The following GXYLT2 variants were observed in gnomAD, a reference collection of about 807,000 sequenced individuals.
GXYLT2 encodes glucoside xylosyltransferase 2, also known as glycosyltransferase 8 domain containing 4.
A neutral mutation model predicts 45.8 loss-of-function variants in GXYLT2; 53 were observed. That is an observed-to-expected ratio of 1.16 (90% CI 0.93 to 1.46). The LOEUF (loss-of-function observed/expected upper bound fraction) is 1.46, where lower values mean the gene tolerates loss of function less well. Among genes scored for constraint, GXYLT2 ranks in the 40% most tolerant of loss-of-function variants. The probability of loss-of-function intolerance (pLI) is 0.00; values close to 1 mark genes in which losing one functional copy is unlikely to be tolerated. For synonymous variants in GXYLT2, 219 were observed against 214.2 expected (o/e 1.02, Z -0.19); for missense variants, 551 against 544.4 (o/e 1.01, Z -0.12).
intron 5 of GXYLT2, among the ~76,000 whole-genome samples, chr3:72,963,642 A>G (rs1710809257): frequency 6.7e-6 from 1 of 150,074 alleles, no homozygotes; most frequent in East Asian, 2.0e-4. Context: ...AGCTGGGATT[A>G]CAGGTGTGTA....
At chr3:72,957,936 A>C (rs953926292) in intron 5 of GXYLT2, among the ~76,000 whole-genome samples, 1 of 152,114 alleles carries the variant, frequency 6.6e-6, no homozygotes, top group African/African-American at 2.4e-5. Context: ...AAGCTAATAA[A>C]ATTCTTTTTT....
At chr3:72,950,923 A>G (rs1710511383) in intron 3 of GXYLT2, among the ~76,000 whole-genome samples, 1 of 152,154 alleles carries the variant, frequency 6.6e-6, no homozygotes, top group Non-Finnish European at 1.5e-5. Context: ...CAGGAGCAGG[A>G]AGATCCATTA....
At chr3:72,932,957 A>G (rs1266341603) in intron 3 of GXYLT2, among the ~76,000 whole-genome samples, 2 of 152,230 alleles carry the variant, frequency 1.3e-5, no homozygotes, top group African/African-American at 2.4e-5. Flanking sequence ...AGAAGAAATA[A>G]TTTCAACTTT....
At chr3:72,927,508 G>A (rs1709941288) in intron 3 of GXYLT2, among the ~76,000 whole-genome samples, 1 of 152,156 alleles carries the variant, frequency 6.6e-6, no homozygotes, top group South Asian at 2.1e-4. Context: ...ATGGAAAAAG[G>A]AAGCTTATCA....
At chr3:72,960,255 T>C (rs886793134) in intron 5 of GXYLT2, among the ~76,000 whole-genome samples, 2 of 152,210 alleles carry the variant, frequency 1.3e-5, no homozygotes, top group African/African-American at 4.8e-5. Flanking sequence ...CTCTTTGTCA[T>C]GTGGCCAAAA....
At chr3:72,949,607 G>A (rs1487053067) in intron 3 of GXYLT2, among the ~76,000 whole-genome samples, 1 of 133,324 alleles carries the variant, frequency 7.5e-6, no homozygotes, top group African/African-American at 2.8e-5. Flanking sequence ...CGCCTCCCGG[G>A]TTCAGGCGAT....
intron 3 of GXYLT2, among the ~76,000 whole-genome samples, chr3:72,943,877 C>G (rs913560449): frequency 1.4e-5 from 2 of 146,332 alleles, no homozygotes; most frequent in East Asian, 2.1e-4. Flanking sequence ...AGAGGTGGAG[C>G]CTTGCTATGT....
At chr3:72,915,417 T>G (rs1709721575) in intron 2 of GXYLT2, among the ~76,000 whole-genome samples, 1 of 143,132 alleles carries the variant, frequency 7.0e-6, no homozygotes, top group Admixed American at 7.5e-5. Flanking sequence ...TATTCTTCAG[T>G]AATTTAAAGA....
At chr3:72,971,084 A>G (rs1236041922) in intron 6 of GXYLT2, among the ~76,000 whole-genome samples, 3 of 152,210 alleles carry the variant, frequency 2.0e-5, no homozygotes, top group Non-Finnish European at 4.4e-5. Context: ...CAGAAGTTAA[A>G]TAAGTACACA....
intron 2 of GXYLT2, among the ~76,000 whole-genome samples, chr3:72,909,366 G>A (rs548492765): frequency 1.3e-5 from 2 of 151,886 alleles, no homozygotes; most frequent in East Asian, 1.9e-4. Flanking sequence ...CACTGCGCCT[G>A]GCCGGTTTTT....
chr3:72,959,931 G>A (rs1388012545), intron 5 of GXYLT2, among the ~76,000 whole-genome samples: 1 of 150,708 alleles, frequency 6.6e-6, no homozygotes, highest in Admixed American at 6.6e-5. Flanking sequence ...CACCATGACC[G>A]GTTTTGTGTT....
intron 3 of GXYLT2, among the ~76,000 whole-genome samples, chr3:72,944,379 C>G (rs377586954): frequency 6.6e-6 from 1 of 151,896 alleles, no homozygotes; most frequent in Admixed American, 6.6e-5. Context: ...CTCAGCCTCC[C>G]GAGTAGCTGG....
At chr3:72,968,141 T>G (rs770900865) in intron 6 of GXYLT2, among the ~76,000 whole-genome samples, 4 of 152,002 alleles carry the variant, frequency 2.6e-5, no homozygotes, top group Non-Finnish European at 5.9e-5. Context: ...GCCTGGCAAA[T>G]TTTTGTATTT....
rs1046186776 is a variant in GXYLT2 at position 72,929,625 on chromosome 3, G to A, written c.600+7290G>A. On this transcript the variant is annotated intron_variant, in intron 3 of 6. Transcript: ENST00000389617. The stretch of plus-strand genomic sequence containing the variant: ...CTCAGGCTAATTTCCCCATAGCCAT[G>A]GGGTGACTTCCCTGGTCACCAAGGC... 1.5e-5 allele frequency: 14 copies of A among 926,774 alleles called. No homozygotes were observed. The African/African-American group carries it at 1.8e-4, about 12-fold the overall frequency. The allele number at this position is 926,774 out of a possible 1,614,324, so 57.4% of individuals were successfully genotyped here.
chr3:72,974,942 G>T, intron 6 of GXYLT2, 35 bp from the exon 7 acceptor site: 1 of 1,460,064 alleles, frequency 6.8e-7, no homozygotes, highest in Non-Finnish European at 9.3e-7. Context: ...TGGCATTTCC[G>T]TTACTAAATA....
chr3:72,888,503 G>T lies in GXYLT2; in HGVS notation c.270G>T (p.Leu90Phe). The T allele has an allele frequency of 8.1e-7, 1 of 1,240,010 alleles. No individual in the cohort carries two copies. The highest frequency in any genetic ancestry group is 2.7e-5 in the South Asian group (1 of 37,622). 76.8% of individuals were successfully genotyped at this position (1,240,010 alleles called of 1,614,324 possible). A position where few individuals can be genotyped will look rare whatever the true frequency, so the allele number is the denominator to read the frequency against. The change falls in exon 1 of 7, where the codon TTG becomes TTT. Residue 90 changes from leucine (L) to phenylalanine (F), a missense_variant. By Grantham distance (22) the Leu-to-Phe change is conservative (BLOSUM62 0). Transcript: ENST00000389617. The part of the protein sequence containing the change: ...GRRGAARLEK[L>F]ARRPGEPRSF... ...GGGGCGCTGCGAGACTGGAGAAGTT[G>T]GCGAGGTGAGTCGTGGCAACCCCAG...
chr3:72,903,543 C>G (rs143169462), intron 1 of GXYLT2, among the ~76,000 whole-genome samples: 4 of 152,274 alleles, frequency 2.6e-5, no homozygotes, highest in African/African-American at 9.6e-5. Flanking sequence ...TCCAGGGCCT[C>G]ACCCAAGACC....
At chr3:72,928,142 C>A (rs1461153170) in intron 3 of GXYLT2, among the ~76,000 whole-genome samples, 1 of 152,186 alleles carries the variant, frequency 6.6e-6, no homozygotes, top group African/African-American at 2.4e-5. Context: ...AAGAGCATGG[C>A]AAGGTAGCAA....
intron 5 of GXYLT2, among the ~76,000 whole-genome samples, chr3:72,961,941 A>T (rs1243390754): frequency 6.6e-6 from 1 of 152,186 alleles, no homozygotes; most frequent in African/African-American, 2.4e-5. Flanking sequence ...AAGAGAGAAG[A>T]GCTGAAATGC....
Sources: gnomAD v4.1 joint callset for allele counts (sites outside exome capture counted in the v4.1 genomes callset) on GRCh38, gnomAD v4.1.1 for gene constraint, MANE v1.5 for transcripts, NCBI Gene and HGNC (gene_info 2026-07-23, HGNC 2026-07-21) for gene names.